The following KCNIP1 variants were observed in gnomAD, a reference collection of about 807,000 sequenced individuals.
KCNIP1 encodes the protein potassium voltage-gated channel interacting protein 1.
KCNIP1 carries 18 observed loss-of-function variants against 33.0 expected under a neutral mutation model. The ratio of observed to expected loss-of-function variants is 0.55; its 90% CI spans 0.38 to 0.81. KCNIP1 has a LOEUF of 0.81. Among genes scored for constraint, KCNIP1 ranks in the 30% least tolerant of loss-of-function variants. The probability of loss-of-function intolerance (pLI) is 0.00; values close to 1 mark genes in which losing one functional copy is unlikely to be tolerated. For missense variants in KCNIP1, 238 were observed against 271.6 expected, an observed-to-expected ratio of 0.88 and a Z score of 0.87; for synonymous variants, 93 against 98.3, an observed-to-expected ratio of 0.95 and a Z score of 0.32.
At chr5:170,408,412 G>A (rs1028535372) in intron 1 of KCNIP1, among the ~76,000 whole-genome samples, 2 of 152,070 alleles carry the variant, frequency 1.3e-5, no homozygotes, top group Non-Finnish European at 2.9e-5. Flanking sequence ...CTCTCACCAC[G>A]GGCTGACTGA....
At chr5:170,680,898 G>A in intron 1 of KCNIP1, 2 of 396,244 alleles carry the variant, frequency 5.0e-6, no homozygotes, top group Non-Finnish European at 8.9e-6. Flanking sequence ...GGAGGAGAGA[G>A]GTGGAGGGAG....
At chr5:170,464,783 T>G (rs1448545501) in intron 1 of KCNIP1, among the ~76,000 whole-genome samples, 1 of 152,148 alleles carries the variant, frequency 6.6e-6, no homozygotes, top group Non-Finnish European at 1.5e-5. Context: ...CCCAAGACGC[T>G]TGGGAATCAT....
At chr5:170,676,242 GAGGA>G (rs1762141184) in intron 1 of KCNIP1, among the ~76,000 whole-genome samples, 1 of 151,010 alleles carries the variant, frequency 6.6e-6, no homozygotes, top group African/African-American at 2.4e-5. Flanking sequence ...GGGAGGGAGG[GAGGA>G]AGGGAGATAT....
chr5:170,593,533 T>G (rs1333266130), intron 1 of KCNIP1, among the ~76,000 whole-genome samples: 6 of 152,238 alleles, frequency 3.9e-5, no homozygotes, highest in Non-Finnish European at 7.3e-5. Context: ...AATGTCACTT[T>G]GATAAATAAT....
At chr5:170,533,395 CT>C (rs1291308319) in intron 1 of KCNIP1, among the ~76,000 whole-genome samples, 2 of 152,212 alleles carry the variant, frequency 1.3e-5, no homozygotes, top group Non-Finnish European at 2.9e-5. Flanking sequence ...GCTGCGGGTA[CT>C]GTTTTTATCC....
At chr5:170,726,067 G>A (rs1198714791) in intron 5 of KCNIP1, among the ~76,000 whole-genome samples, 2 of 152,012 alleles carry the variant, frequency 1.3e-5, no homozygotes, top group Non-Finnish European at 2.9e-5. Flanking sequence ...CTTTGGAGTA[G>A]GAAAGGATAA....
chr5:170,424,302 T>C (rs946664859), intron 1 of KCNIP1, among the ~76,000 whole-genome samples: 4 of 152,156 alleles, frequency 2.6e-5, no homozygotes, highest in South Asian at 2.1e-4. Context: ...TCACATTTCA[T>C]CCTTCCCACA....
chr5:170,454,591 A>G (rs949452099), intron 1 of KCNIP1, among the ~76,000 whole-genome samples: 1 of 152,216 alleles, frequency 6.6e-6, no homozygotes, highest in East Asian at 1.9e-4. Flanking sequence ...AGTTTAGAAA[A>G]CTTCCTGATG....
At chr5:170,382,439 G>A (rs1764279310) in intron 1 of KCNIP1, among the ~76,000 whole-genome samples, 1 of 152,076 alleles carries the variant, frequency 6.6e-6, no homozygotes, top group African/African-American at 2.4e-5. Flanking sequence ...AAAGGCCTCT[G>A]GGAACAGACC....
intron 1 of KCNIP1, among the ~76,000 whole-genome samples, chr5:170,516,450 AAAAGACTGGT>A (rs1755124993): frequency 1.3e-5 from 2 of 152,340 alleles, no homozygotes; most frequent in South Asian, 4.1e-4. Context: ...AGTACTGGGC[AAAAGACTGGT>A]ACTTGGTGAC....
At chr5:170,451,723 T>TGTGTGTGTGTGTGTGTGTGTGTGTG (rs1756255311) in intron 1 of KCNIP1, among the ~76,000 whole-genome samples, 8 of 122,902 alleles carry the variant, frequency 6.5e-5, no homozygotes, top group African/African-American at 2.6e-4. Flanking sequence ...TTCTCCTGCA[T>TGTGTGTGTGTGTGTGTGTGTGTGTG]TGTGTGTGTG....
chr5:170,627,447 G>T (rs1759875902), intron 1 of KCNIP1, among the ~76,000 whole-genome samples: 1 of 152,224 alleles, frequency 6.6e-6, no homozygotes, highest in African/African-American at 2.4e-5. Context: ...GTCCCAGGCT[G>T]CCCTGGTTCC....
chr5:170,485,397 A>G (rs1047145368), intron 1 of KCNIP1, among the ~76,000 whole-genome samples: 1 of 152,142 alleles, frequency 6.6e-6, no homozygotes, highest in Non-Finnish European at 1.5e-5. Context: ...CCCAAACTCA[A>G]GCCCACAGAG....
chr5:170,725,939 T>C (rs1487685838), intron 5 of KCNIP1, among the ~76,000 whole-genome samples: 1 of 152,158 alleles, frequency 6.6e-6, no homozygotes, highest in Non-Finnish European at 1.5e-5. Flanking sequence ...GAAACAAAAA[T>C]GGACATTAAC....
At chr5:170,451,175 T>C (rs1756240111) in intron 1 of KCNIP1, among the ~76,000 whole-genome samples, 1 of 152,202 alleles carries the variant, frequency 6.6e-6, no homozygotes, top group Non-Finnish European at 1.5e-5. Flanking sequence ...CACTTCGTAG[T>C]CATGTCTAAA....
At chr5:170,560,676 G>A (rs1004176875) in intron 1 of KCNIP1, among the ~76,000 whole-genome samples, 3 of 151,940 alleles carry the variant, frequency 2.0e-5, no homozygotes, top group Non-Finnish European at 2.9e-5. Flanking sequence ...ACAGGTTGGC[G>A]CTTCTCAGCC....
chr5:170,703,374 G>A lies in KCNIP1; in HGVS notation c.62-15384G>A, dbSNP rs755772818. 1.8e-4 allele frequency among the ~76,000 whole-genome samples: 25 copies of A among 138,354 alleles called. 6 individuals carry two copies. Among genetic ancestry groups the A allele is most frequent in the South Asian group, 8.1e-4 (3 of 3,714 alleles). 90.8% of individuals were successfully genotyped at this position (138,354 alleles called of 152,430 possible). On this transcript the variant is annotated intron_variant, in intron 1 of 7. Transcript: ENST00000328939. ...TGGGGACTGCGGTTTAATTGTTGCC[G>A]TGTGGGAATGTGGGCCTGGCATGGC...
intron 1 of KCNIP1, among the ~76,000 whole-genome samples, chr5:170,445,758 G>A (rs1398647784): frequency 1.3e-5 from 2 of 152,154 alleles, no homozygotes; most frequent in Admixed American, 6.5e-5. Context: ...CTTTCCATCT[G>A]TAGAGATCTC....
intron 1 of KCNIP1, among the ~76,000 whole-genome samples, chr5:170,642,889 G>A (rs1396665431): frequency 6.6e-6 from 1 of 152,218 alleles, no homozygotes; most frequent in Non-Finnish European, 1.5e-5. Flanking sequence ...TACACTGGAG[G>A]AAACTGAGGC....
Sources: gnomAD v4.1 joint callset for allele counts (sites outside exome capture counted in the v4.1 genomes callset) on GRCh38, gnomAD v4.1.1 for gene constraint, MANE v1.5 for transcripts, NCBI Gene and HGNC (gene_info 2026-07-23, HGNC 2026-07-21) for gene names.